The following CYFIP1 variants were observed in gnomAD, a reference collection of about 807,000 sequenced individuals.
CYFIP1 encodes the protein cytoplasmic FMR1 interacting protein 1.
CYFIP1 carries 58 observed loss-of-function variants against 163.5 expected under a neutral mutation model. That is an observed-to-expected ratio of 0.35 (90% confidence interval 0.29 to 0.44). The LOEUF is 0.44. Ranked by LOEUF, CYFIP1 falls within the 20% of genes least tolerant of loss-of-function variation. The pLI is 1.00. For synonymous variants in CYFIP1, 663 were observed against 660.7 expected, an observed-to-expected ratio of 1.00 and a Z score of -0.05; for missense variants, 1,338 against 1,653.8, an observed-to-expected ratio of 0.81 and a Z score of 3.31.
intron 1 of CYFIP1, among the ~76,000 whole-genome samples, chr15:22,976,851 AGT>A (rs2063299315): frequency 1.3e-5 from 2 of 152,186 alleles, no homozygotes; most frequent in South Asian, 2.1e-4. Flanking sequence ...CAGCTTGTAT[AGT>A]GTTGACTTTG....
Position 22,947,158 on chromosome 15 carries a change from T to C in CYFIP1, c.117+11A>G. ...CACAGGCTGTACGCCCTGCAGCTGCTGGGCACCCACCTGGTAGAGCAGCGA... is the reference window on the plus strand; with the variant it reads ...CACAGGCTGTACGCCCTGCAGCTGCCGGGCACCCACCTGGTAGAGCAGCGA... On this transcript the variant is annotated intron_variant, in intron 2 of 30. Transcript: ENST00000617928. 6.2e-7 allele frequency: 1 copy of C among 1,614,040 alleles called. No individual in the cohort carries two copies. Among genetic ancestry groups the C allele is most frequent in the Non-Finnish European group, 8.5e-7 (1 of 1,179,924 alleles).
At chr15:22,872,629 A>G (rs1422081144) in intron 30 of CYFIP1, 196 bp downstream of exon 30, 1 of 573,198 alleles carries the variant, frequency 1.7e-6, no homozygotes, top group East Asian at 3.0e-5. Context: ...AAAACGGAAC[A>G]ATGAGTATTT....
chr15:22,935,995 G>C (rs1644336755), intron 9 of CYFIP1, among the ~76,000 whole-genome samples: 1 of 152,206 alleles, frequency 6.6e-6, no homozygotes, highest in Admixed American at 6.5e-5. Context: ...TGTAAGGCCA[G>C]GTGCAGTGGC....
At position 22,883,057 on chromosome 15, in the gene CYFIP1, G is replaced by A. The variant is rs769205127; in HGVS notation, c.2677-46C>T. On this transcript the variant is annotated intron_variant, in intron 23 of 30. Transcript: ENST00000617928. ...CTCTCAGCATGGTCCCCGCACACAT[G>A]TGCAGATGAAGAACTGTGTGAGAAG... The A allele has an allele frequency of 6.3e-6, 10 of 1,594,602 alleles. No individual in the cohort carries two copies. In the East Asian group the frequency reaches 1.8e-4, roughly 29 times the overall value.
Position 22,934,485 on chromosome 15 carries a change from CTTTTTTT to C in CYFIP1, c.901-599_901-593del, listed in dbSNP as rs35881374. Among the ~76,000 whole-genome samples, 23 of 49,840 alleles carry C rather than the reference CTTTTTTT, an allele frequency of 4.6e-4. 1 individual carries two copies. Among genetic ancestry groups the C allele is most frequent in the African/African-American group, 1.5e-3 (19 of 12,280 alleles). 32.7% of individuals were successfully genotyped at this position (49,840 alleles called of 152,430 possible). On this transcript the variant is annotated intron_variant, in intron 9 of 30. Coordinates refer to ENST00000617928, the MANE Select transcript of CYFIP1 (RefSeq NM_014608.6). Reference sequence around the variant, plus strand: ...CAGGCGTGAACCACCGCACCCAGCCCTTTTTTTTTTTTTTTTTTTTTTTTTTTTGAGA... The same window carrying C: ...CAGGCGTGAACCACCGCACCCAGCCCTTTTTTTTTTTTTTTTTTTTTGAGA...
In CYFIP1 at chr15:22,916,497, G is replaced by C; in HGVS notation, c.1808C>G (p.Thr603Ser). The C allele has an allele frequency of 6.2e-7, 1 of 1,611,942 alleles. No homozygotes were observed. The highest frequency in any genetic ancestry group is 1.1e-5 in the South Asian group (1 of 91,010). The change falls in exon 16 of 31, where the codon ACT becomes AGT. Residue 603 changes from threonine to serine, a missense_variant. Physicochemically the swap from Thr to Ser is moderately conservative, Grantham distance 58 (BLOSUM62 1). Coordinates refer to ENST00000617928, the MANE Select transcript of CYFIP1 (RefSeq NM_014608.6). ...EKFHRESFFY[T>S]HLINFSETLQ... ...CTTACCACTGAAATTTATCAAGTGA[G>C]TGTAGAAGAATGACTCTCGATGAAA...
At chr15:22,975,551 A>G (rs534466659) in intron 1 of CYFIP1, among the ~76,000 whole-genome samples, 14 of 151,898 alleles carry the variant, frequency 9.2e-5, no homozygotes, top group South Asian at 8.3e-4. Flanking sequence ...ACCTGAGGTC[A>G]GGAGGTCGAG....
intron 1 of CYFIP1, among the ~76,000 whole-genome samples, chr15:22,971,008 G>A (rs527800361): frequency 6.6e-5 from 10 of 151,950 alleles, no homozygotes; most frequent in Middle Eastern, 3.4e-3. Flanking sequence ...CCCGGGAGGC[G>A]GAGCTTGCAG....
At position 22,964,406 on chromosome 15, in the gene CYFIP1, CA is replaced by C. The variant is rs1393825491; in HGVS notation, c.-7+15880del. 4.0e-5 allele frequency among the ~76,000 whole-genome samples: 6 copies of C among 148,476 alleles called. No individual in the cohort carries two copies. The East Asian group carries it at 6.1e-4, about 15-fold the overall frequency. On this transcript the variant is annotated intron_variant, in intron 1 of 30. Transcript: ENST00000617928. ...ACACACACACACACACACACACACA[CA>C]CCCGGCAGCCCTGCCAGCAGACTCC... is the stretch of plus-strand genomic sequence containing the variant.
At chr15:22,879,849 C>G in intron 26 of CYFIP1, 64 bp downstream of exon 26, 1 of 1,223,560 alleles carries the variant, frequency 8.2e-7, no homozygotes, top group Non-Finnish European at 1.1e-6. Context: ...AAGCCCTCCC[C>G]TGGCCGGTGG....
At chr15:22,914,284 C>T (rs2060894746) in intron 17 of CYFIP1, among the ~76,000 whole-genome samples, 1 of 152,136 alleles carries the variant, frequency 6.6e-6, no homozygotes, top group South Asian at 2.1e-4. Flanking sequence ...AGGCTGAGTC[C>T]CCGGGTCCCA....
chr15:22,916,799 T>C (rs566269961), intron 15 of CYFIP1, 169 bp from the exon 16 acceptor site: 1 of 1,574,156 alleles, frequency 6.4e-7, no homozygotes, highest in East Asian at 2.4e-5. Flanking sequence ...GCCACGTTGC[T>C]GCTGCTTTGG....
At chr15:22,929,752 A>G (rs4450365) in intron 11 of CYFIP1, among the ~76,000 whole-genome samples, 122,903 of 149,834 alleles carry the variant, frequency 0.82, 50,559 homozygotes, top group African/African-American at 0.89. Context: ...TGGCTAACAC[A>G]GTGAAACCCC....
At chr15:22,888,717 A>G (rs2059988878) in intron 23 of CYFIP1, among the ~76,000 whole-genome samples, 1 of 143,554 alleles carries the variant, frequency 7.0e-6, no homozygotes, top group Non-Finnish European at 1.5e-5. Flanking sequence ...TGGGTGACAA[A>G]GCAAAAACCC....
At chr15:22,884,806 A>G (rs1326952925) in intron 23 of CYFIP1, among the ~76,000 whole-genome samples, 1 of 151,984 alleles carries the variant, frequency 6.6e-6, no homozygotes, top group African/African-American at 2.4e-5. Context: ...GCATTTCCAC[A>G]TGTCCTTTGA....
At chr15:22,871,243 T>C (rs2059425370) in intron 30 of CYFIP1, among the ~76,000 whole-genome samples, 1 of 151,994 alleles carries the variant, frequency 6.6e-6, no homozygotes, top group South Asian at 2.1e-4. Flanking sequence ...TTTAAATACC[T>C]CCAAGGCCTT....
chr15:22,870,396 C>A (rs534656849), intron 30 of CYFIP1, among the ~76,000 whole-genome samples: 11 of 152,062 alleles, frequency 7.2e-5, no homozygotes, highest in Admixed American at 1.3e-4. Flanking sequence ...GATCACGGCT[C>A]ACTGTAGCCT....
chr15:22,907,435 G>C (rs929679763), intron 21 of CYFIP1, among the ~76,000 whole-genome samples: 3 of 152,196 alleles, frequency 2.0e-5, no homozygotes, highest in Admixed American at 6.5e-5. Flanking sequence ...CATTGATCTG[G>C]ATAAAGGGAA....
chr15:22,891,145 C>G (rs2060070654), intron 23 of CYFIP1, among the ~76,000 whole-genome samples: 1 of 152,100 alleles, frequency 6.6e-6, no homozygotes, highest in East Asian at 1.9e-4. Flanking sequence ...CTAAAGATGG[C>G]CAGGCGCAGT....
Sources: allele counts gnomAD v4.1 joint callset (sites outside exome capture counted in the v4.1 genomes callset), GRCh38; gene constraint gnomAD v4.1.1; transcripts MANE v1.5; gene names NCBI Gene and HGNC (gene_info 2026-07-23, HGNC 2026-07-21).